Variants in SLC12A7 observed in about 807,000 individuals in gnomAD.
SLC12A7 encodes K-Cl cotransporter 4.
In SLC12A7, 100 loss-of-function variants were observed where a neutral mutation model predicts 120.6. The observed-to-expected ratio is 0.83, with a 90% CI of 0.71 to 0.98. The LOEUF (loss-of-function observed/expected upper bound fraction) is 0.98, where lower values mean the gene tolerates loss of function less well. Ranked by LOEUF, SLC12A7 falls within the 50% of genes least tolerant of loss-of-function variation. The pLI, the probability that SLC12A7 is intolerant of heterozygous loss-of-function variation, is 0.00. For missense variants in SLC12A7, 1,373 were observed against 1,548.1 expected, an observed-to-expected ratio of 0.89 and a Z score of 1.90; for synonymous variants, 760 against 678.0, an observed-to-expected ratio of 1.12 and a Z score of -1.88.
intron 1 of SLC12A7, among the ~76,000 whole-genome samples, chr5:1,107,174 T>C (rs1232074968): frequency 6.6e-6 from 1 of 152,254 alleles, no homozygotes; most frequent in Non-Finnish European, 1.5e-5. Flanking sequence ...CTTTACTCTC[T>C]GAATATTCAA....
At chr5:1,073,904 G>A in intron 16 of SLC12A7, 103 bp from the exon 17 acceptor site, 2 of 1,150,168 alleles carry the variant, frequency 1.7e-6, no homozygotes, top group Non-Finnish European at 2.3e-6. Flanking sequence ...GACACAGGTG[G>A]GACGGGAGAT....
the SLC12A7 span, among the ~76,000 whole-genome samples, chr5:1,120,306 G>T: frequency 6.6e-6 from 1 of 152,146 alleles, no homozygotes; most frequent in African/African-American, 2.4e-5. Context: ...CGTCCACAGG[G>T]CCCCCCCACC....
At chr5:1,116,484 C>T (rs1306748839), upstream of SLC12A7, among the ~76,000 whole-genome samples, 1 of 152,234 alleles carries the variant, frequency 6.6e-6, no homozygotes, top group Non-Finnish European at 1.5e-5. Flanking sequence ...TCGTCTCAGA[C>T]CATCTGTGTC....
chr5:1,111,992 G>C lies in SLC12A7; in HGVS notation c.-1C>G. 1 of 1,273,700 alleles carries C rather than the reference G, an allele frequency of 7.9e-7. No homozygotes were observed. The allele number at this position is 1,273,700 out of a possible 1,614,324, so 78.9% of individuals were successfully genotyped here. A position where few individuals can be genotyped will look rare whatever the true frequency, so the allele number is the denominator to read the frequency against. ...GCACCACGGTGAAGTTGGTGGGCAT[G>C]GCCGCCTGCAGCCGACAGTCCCCGT... On this transcript the variant is annotated 5_prime_UTR_variant, in exon 1 of 24. Coordinates refer to ENST00000264930, the MANE Select transcript of SLC12A7 (RefSeq NM_006598.3).
intron 13 of SLC12A7, 27 bp downstream of exon 13, chr5:1,076,667 C>G (rs1301577338): frequency 7.0e-6 from 11 of 1,566,576 alleles, no homozygotes; most frequent in Non-Finnish European, 9.6e-6. Flanking sequence ...ACACCCATCC[C>G]CAGGTCCCCG....
At chr5:1,056,723 C>A (rs982321886) in intron 22 of SLC12A7, 1 of 275,062 alleles carries the variant, frequency 3.6e-6, no homozygotes, top group Non-Finnish European at 5.5e-6. Flanking sequence ...GAGCCCCCAG[C>A]CCTTCCTGAG....
At chr5:1,135,508 C>T in the SLC12A7 span, among the ~76,000 whole-genome samples, 20 of 152,306 alleles carry the variant, frequency 1.3e-4, no homozygotes, top group African/African-American at 4.1e-4. Context: ...CCTGCTGCCC[C>T]GGGATCCAGG....
the SLC12A7 span, among the ~76,000 whole-genome samples, chr5:1,152,896 C>A: frequency 6.6e-6 from 1 of 152,244 alleles, no homozygotes; most frequent in Non-Finnish European, 1.5e-5. Flanking sequence ...GGCCACACAT[C>A]TGCAAGGGAA....
the SLC12A7 span, among the ~76,000 whole-genome samples, chr5:1,136,299 C>G: frequency 6.6e-6 from 1 of 152,178 alleles, no homozygotes; most frequent in Non-Finnish European, 1.5e-5. Flanking sequence ...TGAGACACGA[C>G]TGACACACAG....
At chr5:1,139,685 C>A in the SLC12A7 span, among the ~76,000 whole-genome samples, 2 of 152,246 alleles carry the variant, frequency 1.3e-5, no homozygotes, top group African/African-American at 4.8e-5. Context: ...ACACGGCGAG[C>A]TTGCTTGACC....
chr5:1,119,445 C>G, the SLC12A7 span, among the ~76,000 whole-genome samples: 1 of 152,236 alleles, frequency 6.6e-6, no homozygotes, highest in Non-Finnish European at 1.5e-5. Flanking sequence ...ACGCACACAT[C>G]CCTGCCCGGG....
At chr5:1,052,620 G>A (rs73731143) in intron 23 of SLC12A7, among the ~76,000 whole-genome samples, 169 bp from the exon 24 acceptor site, 4,379 of 151,862 alleles carry the variant, frequency 0.029, 211 homozygotes, top group African/African-American at 0.099. Flanking sequence ...CAGGCGGGGA[G>A]GAGCAGGGCA....
At chr5:1,100,838 C>T (rs993598799) in intron 1 of SLC12A7, among the ~76,000 whole-genome samples, 3 of 152,186 alleles carry the variant, frequency 2.0e-5, no homozygotes, top group African/African-American at 7.2e-5. Context: ...AAGAGGAGCC[C>T]GAGGCAGCGT....
chr5:1,082,283 T>C, intron 8 of SLC12A7, among the ~76,000 whole-genome samples: 2 of 142,450 alleles, frequency 1.4e-5, no homozygotes, highest in Non-Finnish European at 1.5e-5. Context: ...GGCTTCCCCG[T>C]CTCGGGTTCT....
At position 1,057,668 on chromosome 5, in the gene SLC12A7, G is replaced by A. The variant is rs371346373; in HGVS notation, c.2848-19C>T. On this transcript the variant is annotated intron_variant, in intron 21 of 23. Transcript: ENST00000264930. ...GCTGGGCCTGGCGGGCCCGGGACTT[G>A]GTGAGACCAGCCGGTCTCAAAACTC... The A allele has an allele frequency of 2.8e-5, 45 of 1,583,286 alleles. No individual in the cohort carries two copies. The highest frequency in any genetic ancestry group is 1.8e-4 in the Middle Eastern group (1 of 5,568).
At chr5:1,103,719 G>C (rs760400682) in intron 1 of SLC12A7, among the ~76,000 whole-genome samples, 2 of 152,258 alleles carry the variant, frequency 1.3e-5, no homozygotes, top group Non-Finnish European at 2.9e-5. Flanking sequence ...ACAGCCCCCA[G>C]ACTGCACGAC....
chr5:1,146,568 G>A, the SLC12A7 span, among the ~76,000 whole-genome samples: 2 of 152,328 alleles, frequency 1.3e-5, no homozygotes, highest in Middle Eastern at 3.4e-3. The surrounding 1 kb of genome is among the most constrained non-coding windows in gnomAD (Gnocchi z 6.5). Context: ...TTCAGGCCAC[G>A]ACGGGAAGCG....
chr5:1,121,047 G>C, the SLC12A7 span, among the ~76,000 whole-genome samples: 8 of 152,188 alleles, frequency 5.3e-5, no homozygotes, highest in Non-Finnish European at 1.0e-4. Flanking sequence ...CGGTAGACTC[G>C]GTGCATCCTG....
the SLC12A7 span, among the ~76,000 whole-genome samples, chr5:1,133,924 G>A: frequency 2.6e-5 from 4 of 152,192 alleles, no homozygotes; most frequent in Admixed American, 2.0e-4. Flanking sequence ...TGTTCTAACC[G>A]CTGCATGGCC....
Sources: gnomAD v4.1 joint callset for allele counts (sites outside exome capture counted in the v4.1 genomes callset) on GRCh38, gnomAD v4.1.1 for gene constraint, Gnocchi (gnomAD v3.1) non-coding constraint, MANE v1.5 for transcripts, NCBI Gene and HGNC (gene_info 2026-07-23, HGNC 2026-07-21) for gene names.